Variants in SCFD2 observed in about 807,000 individuals in gnomAD.
The protein encoded by SCFD2 is sec1 family domain-containing protein 2.
A neutral mutation model predicts 58.9 loss-of-function variants in SCFD2; 54 were observed. The observed-to-expected ratio is 0.92, with a 90% confidence interval of 0.74 to 1.15. The LOEUF is 1.15. Ranked by LOEUF, SCFD2 falls within the 50% of genes most tolerant of loss-of-function variation. The probability of loss-of-function intolerance (pLI) is 0.00; values close to 1 mark genes in which losing one functional copy is unlikely to be tolerated. For missense variants in SCFD2, 805 were observed against 836.6 expected (o/e 0.96, Z 0.47); for synonymous variants, 321 against 335.9 (o/e 0.96, Z 0.49).
chr4:52,907,424 A>G (rs1341310784), intron 7 of SCFD2, 33 bp downstream of exon 7: 2 of 1,607,972 alleles, frequency 1.2e-6, no homozygotes, highest in East Asian at 2.2e-5. Context: ...GAACATTTCT[A>G]CACTCAGGAT....
At chr4:53,160,981 A>G (rs1726835669) in intron 4 of SCFD2, among the ~76,000 whole-genome samples, 2 of 152,232 alleles carry the variant, frequency 1.3e-5, no homozygotes, top group South Asian at 4.1e-4. Context: ...AATATTACAT[A>G]ACAATGAGAA....
At position 53,365,703 on chromosome 4, in the gene SCFD2, A is replaced by G. The variant is rs77032280; in HGVS notation, c.239T>C (p.Leu80Pro). The G allele has an allele frequency of 2.0e-3, 3,230 of 1,614,184 alleles. 59 individuals carry two copies. In the African/African-American group the frequency reaches 0.037, roughly 19 times the overall value. Residue 80 changes from leucine (L) to proline (P), a missense_variant, in exon 1 of 9, where the codon CTG (leucine) becomes CCG (proline). By Grantham distance (98) the Leu-to-Pro change is moderately conservative (BLOSUM62 -3). Around this residue, in one of 3 missense-constraint regions of SCFD2, gnomAD observed 155 missense variants for 149.7 expected, o/e 1.04. Transcript: ENST00000401642. The surrounding 1 kb of genome is among the most constrained non-coding windows in gnomAD (Gnocchi z 4.3). ...QPKAVFVLSC[L>P]LKGRTVEILR... ...GATCTCCACGGTCCGGCCTTTCAGC[A>G]GGCAGCTCAGCACAAACACTGCCTT...
chr4:53,118,302 C>A (rs1397764604), intron 5 of SCFD2, among the ~76,000 whole-genome samples: 1 of 152,074 alleles, frequency 6.6e-6, no homozygotes, highest in African/African-American at 2.4e-5. Context: ...ATGAAATGAC[C>A]AGCTCAAGCA....
At chr4:53,128,936 A>G (rs1725709362) in intron 5 of SCFD2, among the ~76,000 whole-genome samples, 1 of 152,230 alleles carries the variant, frequency 6.6e-6, no homozygotes, top group Non-Finnish European at 1.5e-5. Context: ...TTGTATGGAA[A>G]AGAACCCCCA....
intron 4 of SCFD2, among the ~76,000 whole-genome samples, chr4:53,216,378 G>A (rs1183028107): frequency 6.6e-6 from 1 of 151,930 alleles, no homozygotes; most frequent in Non-Finnish European, 1.5e-5. Context: ...GTCTTGGGAG[G>A]GTGTATGTGT....
At chr4:53,202,478 C>G (rs1728278540) in intron 4 of SCFD2, among the ~76,000 whole-genome samples, 1 of 150,810 alleles carries the variant, frequency 6.6e-6, no homozygotes, top group East Asian at 2.0e-4. Flanking sequence ...CAGCTTTGTT[C>G]TTTTGGCTTA....
chr4:52,937,428 T>C (rs1333406360), intron 5 of SCFD2, among the ~76,000 whole-genome samples: 18 of 152,134 alleles, frequency 1.2e-4, no homozygotes. Flanking sequence ...AACTCCTTCT[T>C]AGGCTGATAA....
At chr4:53,249,090 C>A (rs1178722824) in intron 4 of SCFD2, among the ~76,000 whole-genome samples, 1 of 152,018 alleles carries the variant, frequency 6.6e-6, no homozygotes, top group Non-Finnish European at 1.5e-5. Flanking sequence ...AATAGAATAA[C>A]CAATACAGAG....
At position 53,282,299 on chromosome 4, in the gene SCFD2, A is replaced by G. The variant is rs1577928397; in HGVS notation, c.1136-8298T>C. ...ACTACTAATAGTTCATGGGCCTTCTAGATTGCTTCTGTATGTTTGTCTTTT... is the reference window on the plus strand; with the variant it reads ...ACTACTAATAGTTCATGGGCCTTCTGGATTGCTTCTGTATGTTTGTCTTTT... On this transcript the variant is annotated intron_variant, in intron 3 of 8. Coordinates refer to ENST00000401642, the MANE Select transcript of SCFD2 (RefSeq NM_152540.4). Among the ~76,000 whole-genome samples the G allele has an allele frequency of 2.6e-5, 4 of 152,186 alleles. No individual in the cohort carries two copies. The South Asian group carries it at 8.3e-4, about 32-fold the overall frequency.
chr4:53,223,671 T>C (rs1729115529), intron 4 of SCFD2, among the ~76,000 whole-genome samples: 1 of 152,232 alleles, frequency 6.6e-6, no homozygotes, highest in African/African-American at 2.4e-5. Flanking sequence ...TAGATGCAAT[T>C]ATGACTTTTT....
intron 1 of SCFD2, among the ~76,000 whole-genome samples, chr4:53,360,069 T>G (rs1298677408): frequency 1.3e-5 from 2 of 152,214 alleles, no homozygotes; most frequent in African/African-American, 4.8e-5. Flanking sequence ...CTTGTGGTCT[T>G]AATAAGTAGA....
At chr4:53,030,195 T>G (rs949900696) in intron 5 of SCFD2, among the ~76,000 whole-genome samples, 3 of 152,066 alleles carry the variant, frequency 2.0e-5, no homozygotes, top group African/African-American at 7.2e-5. Context: ...AGAAGATATA[T>G]GAATGGCAAA....
intron 2 of SCFD2, among the ~76,000 whole-genome samples, chr4:53,316,411 T>G (rs1315421202): frequency 6.6e-6 from 1 of 152,230 alleles, no homozygotes; most frequent in Non-Finnish European, 1.5e-5. Context: ...TTTTGGTATC[T>G]GTGGAGTTGG....
At chr4:53,325,070 C>T (rs780493972) in intron 2 of SCFD2, among the ~76,000 whole-genome samples, 5 of 152,250 alleles carry the variant, frequency 3.3e-5, no homozygotes, top group Non-Finnish European at 7.4e-5. Context: ...CCTAACCCAC[C>T]TTGCAATACT....
At chr4:52,993,732 G>T (rs890032530) in intron 5 of SCFD2, among the ~76,000 whole-genome samples, 3 of 152,234 alleles carry the variant, frequency 2.0e-5, no homozygotes, top group African/African-American at 4.8e-5. Context: ...AAACTCCAAT[G>T]ATAAAAATGG....
intron 5 of SCFD2, among the ~76,000 whole-genome samples, chr4:53,083,708 T>C (rs1016683411): frequency 2.0e-5 from 3 of 152,354 alleles, no homozygotes; most frequent in East Asian, 1.9e-4. Flanking sequence ...AGAGGAATTT[T>C]ACAGCTGGGC....
At chr4:53,186,209 T>C (rs1181957432) in intron 4 of SCFD2, among the ~76,000 whole-genome samples, 1 of 152,126 alleles carries the variant, frequency 6.6e-6, no homozygotes, top group East Asian at 1.9e-4. Context: ...CTTCAAGATC[T>C]GGTTTAAATT....
intron 5 of SCFD2, among the ~76,000 whole-genome samples, chr4:53,144,912 G>T (rs1408370601): frequency 6.6e-6 from 1 of 152,136 alleles, no homozygotes; most frequent in African/African-American, 2.4e-5. Context: ...TGGCCTGTTA[G>T]GAACCGGGCA....
chr4:53,214,723 T>C (rs1347954995), intron 4 of SCFD2, among the ~76,000 whole-genome samples: 1 of 152,184 alleles, frequency 6.6e-6, no homozygotes, highest in Non-Finnish European at 1.5e-5. Context: ...ATGAAGTCCT[T>C]GCCCATGCCT....
Sources: allele counts gnomAD v4.1 joint callset (sites outside exome capture counted in the v4.1 genomes callset), GRCh38; gene constraint gnomAD v4.1.1; regional missense constraint gnomAD v4.1.1; non-coding constraint Gnocchi (gnomAD v3.1); transcripts MANE v1.5; gene names NCBI Gene and HGNC (gene_info 2026-07-23, HGNC 2026-07-21).